Variants in SCFD2 observed in about 807,000 individuals in gnomAD.
SCFD2 encodes sec1 family domain containing 2, also known as sec1 family domain-containing protein 2.
Under a neutral mutation model 58.9 loss-of-function variants are expected in SCFD2, and 54 were observed. The ratio of observed to expected loss-of-function variants is 0.92; its 90% CI spans 0.74 to 1.15. SCFD2 has a LOEUF of 1.15. Ranked by LOEUF, SCFD2 falls within the 50% of genes most tolerant of loss-of-function variation. SCFD2 has a pLI of 0.00. For missense variants in SCFD2, 805 were observed against 836.6 expected (o/e 0.96, Z 0.47); for synonymous variants, 321 against 335.9 (o/e 0.96, Z 0.49).
chr4:53,348,762 T>A (rs1187000532), intron 2 of SCFD2, among the ~76,000 whole-genome samples: 1 of 151,894 alleles, frequency 6.6e-6, no homozygotes, highest in East Asian at 1.9e-4. Flanking sequence ...TTGCCCAGGC[T>A]GGAGTGCCAT....
chr4:52,883,069 C>T (rs1718656613), intron 8 of SCFD2, among the ~76,000 whole-genome samples: 1 of 152,194 alleles, frequency 6.6e-6, no homozygotes, highest in Admixed American at 6.5e-5. Flanking sequence ...GAACCTATCC[C>T]CTTCAATTAG....
chr4:52,930,601 G>T (rs1341493863), intron 5 of SCFD2, among the ~76,000 whole-genome samples: 1 of 152,068 alleles, frequency 6.6e-6, no homozygotes, highest in Admixed American at 6.6e-5. Flanking sequence ...TTTTCTCTAA[G>T]CTGCCTAAGC....
chr4:53,305,433 C>T (rs1261083072), intron 3 of SCFD2, among the ~76,000 whole-genome samples: 1 of 152,090 alleles, frequency 6.6e-6, no homozygotes, highest in Non-Finnish European at 1.5e-5. Flanking sequence ...ATGCCCTTGT[C>T]AAATATTTCG....
intron 8 of SCFD2, among the ~76,000 whole-genome samples, chr4:52,879,633 G>A (rs111797891): frequency 1.1e-4 from 17 of 152,318 alleles, no homozygotes; most frequent in African/African-American, 4.1e-4. Flanking sequence ...GCTGGAAGGG[G>A]GATGTTCGGT....
chr4:52,983,030 C>T (rs151058617), intron 5 of SCFD2, among the ~76,000 whole-genome samples: 213 of 152,234 alleles, frequency 1.4e-3, no homozygotes, highest in African/African-American at 4.9e-3. Context: ...ATGTGAACTA[C>T]TTGGTCCCTT....
At chr4:53,067,961 A>G (rs1186636438) in intron 5 of SCFD2, among the ~76,000 whole-genome samples, 1 of 152,086 alleles carries the variant, frequency 6.6e-6, no homozygotes, top group Non-Finnish European at 1.5e-5. Flanking sequence ...GAAATCTATA[A>G]TACCAGATAC....
At chr4:53,312,730 C>T (rs1379985829) in intron 3 of SCFD2, among the ~76,000 whole-genome samples, 1 of 152,048 alleles carries the variant, frequency 6.6e-6, no homozygotes, top group Non-Finnish European at 1.5e-5. Flanking sequence ...AAGAACTTGG[C>T]CTATGAATCT....
At chr4:53,082,020 A>G (rs761694750) in intron 5 of SCFD2, among the ~76,000 whole-genome samples, 6 of 152,212 alleles carry the variant, frequency 3.9e-5, no homozygotes, top group Non-Finnish European at 8.8e-5. Flanking sequence ...TCCATGTTGT[A>G]GCATGTGTCA....
chr4:52,903,086 G>A (rs1392142545), intron 7 of SCFD2, among the ~76,000 whole-genome samples: 2 of 152,032 alleles, frequency 1.3e-5, no homozygotes, highest in African/African-American at 4.8e-5. Flanking sequence ...TTTTCCTCTC[G>A]ATTCCTTGAA....
At chr4:52,963,057 C>T (rs1249486450) in intron 5 of SCFD2, among the ~76,000 whole-genome samples, 2 of 152,126 alleles carry the variant, frequency 1.3e-5, no homozygotes, top group African/African-American at 2.4e-5. Context: ...CCTCCCCCAG[C>T]GCAACACACA....
intron 7 of SCFD2, among the ~76,000 whole-genome samples, chr4:52,899,127 T>A (rs1001954966): frequency 1.3e-5 from 2 of 152,272 alleles, no homozygotes; most frequent in Non-Finnish European, 2.9e-5. Context: ...TACCTTTTAA[T>A]TGGAGCATGT....
intron 5 of SCFD2, among the ~76,000 whole-genome samples, chr4:53,071,849 C>T (rs577731059): frequency 2.0e-5 from 3 of 152,138 alleles, no homozygotes; most frequent in Admixed American, 6.6e-5. Flanking sequence ...TAACTAGAAA[C>T]ATTTTAGATA....
At chr4:53,129,205 G>A (rs569610155) in intron 5 of SCFD2, among the ~76,000 whole-genome samples, 13 of 149,726 alleles carry the variant, frequency 8.7e-5, no homozygotes, top group South Asian at 2.1e-4. Flanking sequence ...AAGTTCAGGC[G>A]TGTATCTTGG....
chr4:53,303,228 G>A (rs1006999471), intron 3 of SCFD2, among the ~76,000 whole-genome samples: 1 of 152,068 alleles, frequency 6.6e-6, no homozygotes, highest in Non-Finnish European at 1.5e-5. Flanking sequence ...TATCCAGAAT[G>A]TACAATGAAC....
chr4:52,995,299 G>A (rs748569133), intron 5 of SCFD2, among the ~76,000 whole-genome samples: 9 of 152,048 alleles, frequency 5.9e-5, no homozygotes, highest in African/African-American at 2.2e-4. Context: ...AATAGGGTTC[G>A]CACTCCCAAG....
intron 6 of SCFD2, among the ~76,000 whole-genome samples, chr4:52,908,564 TTCTC>T (rs1474624847): frequency 2.0e-5 from 3 of 152,172 alleles, no homozygotes; most frequent in Non-Finnish European, 4.4e-5. Context: ...ATTAAACTCT[TTCTC>T]TCTCTGATTG....
Position 52,877,136 on chromosome 4 carries a change from C to T in SCFD2, c.1963-3075G>A, listed in dbSNP as rs200756016. On this transcript the variant is annotated intron_variant, in intron 8 of 8. Coordinates refer to ENST00000401642, the MANE Select transcript of SCFD2 (RefSeq NM_152540.4). ...CTGAGCCCAAAGAATCTGTCACTCT[C>T]GGGTAGTGTGCTGGGCTTCCAGCCA... 4.6e-5 allele frequency among the ~76,000 whole-genome samples: 7 copies of T among 152,272 alleles called. No homozygotes were observed. In the East Asian group the frequency reaches 7.7e-4, roughly 17 times the overall value.
chr4:53,189,766 A>G (rs1290087468), intron 4 of SCFD2, among the ~76,000 whole-genome samples: 1 of 152,292 alleles, frequency 6.6e-6, no homozygotes, highest in East Asian at 1.9e-4. Flanking sequence ...CACACAAAAT[A>G]GACTGGAGGA....
At chr4:53,306,388 A>T (rs1732515268) in intron 3 of SCFD2, among the ~76,000 whole-genome samples, 1 of 152,210 alleles carries the variant, frequency 6.6e-6, no homozygotes, top group African/African-American at 2.4e-5. Context: ...TGACATGAAG[A>T]CAAAGGGAAA....
Sources: gnomAD v4.1 joint callset for allele counts (sites outside exome capture counted in the v4.1 genomes callset) on GRCh38, gnomAD v4.1.1 for gene constraint, MANE v1.5 for transcripts, NCBI Gene and HGNC (gene_info 2026-07-23, HGNC 2026-07-21) for gene names.